Variants in ADGRD1 observed in about 807,000 individuals in gnomAD.
ADGRD1 encodes G-protein coupled receptor 133.
ADGRD1 carries 77 observed loss-of-function variants against 113.4 expected under a neutral mutation model. The ratio of observed to expected loss-of-function variants is 0.68; its 90% CI spans 0.57 to 0.82. The LOEUF (loss-of-function observed/expected upper bound fraction) is 0.82. Ranked by LOEUF, ADGRD1 falls within the 40% of genes least tolerant of loss-of-function variation. ADGRD1 has a pLI of 0.00. For missense variants in ADGRD1, 1,036 were observed against 1,139.1 expected, an observed-to-expected ratio of 0.91 and a Z score of 1.30; for synonymous variants, 474 against 475.0, an observed-to-expected ratio of 1.00 and a Z score of 0.03.
intron 23 of ADGRD1, chr12:131,137,552 G>C (rs1951121984): frequency 9.8e-6 from 2 of 203,514 alleles, no homozygotes; most frequent in East Asian, 2.5e-4. Flanking sequence ...GGCTGAGGTT[G>C]TGGGAGCTGC....
intron 8 of ADGRD1, among the ~76,000 whole-genome samples, chr12:130,992,678 G>C (rs938230744): frequency 6.6e-6 from 1 of 152,222 alleles, no homozygotes; most frequent in African/African-American, 2.4e-5. Context: ...CGGGCGTGTG[G>C]TTGGCAACTC....
At chr12:131,058,135 C>T (rs1220468032) in intron 13 of ADGRD1, among the ~76,000 whole-genome samples, 1 of 152,198 alleles carries the variant, frequency 6.6e-6, no homozygotes, top group Non-Finnish European at 1.5e-5. Flanking sequence ...GGATTCTGGC[C>T]TTGCCCTCCC....
At chr12:130,963,543 G>C (rs1388494115) in intron 2 of ADGRD1, among the ~76,000 whole-genome samples, 1 of 152,042 alleles carries the variant, frequency 6.6e-6, no homozygotes, top group African/African-American at 2.4e-5. Flanking sequence ...ATAGCTCATA[G>C]TGTACACATT....
chr12:131,014,161 C>A, intron 12 of ADGRD1, 38 bp from the exon 13 acceptor site: 3 of 1,601,244 alleles, frequency 1.9e-6, no homozygotes, highest in Non-Finnish European at 2.6e-6. Context: ...TGCTCCCCTG[C>A]GTTTCCCATT....
Position 130,981,903 on chromosome 12 carries a change from C to T in ADGRD1, c.330C>T (p.Phe110=), listed in dbSNP as rs148928637. ...CGPEGVTFSF[F]WKTQGEQSRP... is the part of the protein sequence containing the mutation. ...CCTCAGGGGTCACGTTTTCTTTTTT[C>T]TGGAAGACACAAGGAGAACAGTCTA... The change falls in exon 5 of 25, where the codon TTC becomes TTT. Residue 110 remains phenylalanine (F), a synonymous_variant. Coordinates refer to ENST00000261654, the MANE Select transcript of ADGRD1 (RefSeq NM_198827.5). 1 of 1,610,368 alleles carries T rather than the reference C, an allele frequency of 6.2e-7. No homozygotes were observed. The highest frequency in any genetic ancestry group is 8.5e-7 in the Non-Finnish European group (1 of 1,178,118).
Position 131,034,910 on chromosome 12 carries a change from C to T in ADGRD1, c.1473+20570C>T, listed in dbSNP as rs1881206979. 2.6e-5 allele frequency among the ~76,000 whole-genome samples: 4 copies of T among 152,198 alleles called. No homozygotes were observed. In the South Asian group the frequency reaches 6.2e-4, roughly 24 times the overall value. ...GCAGGACCTCCTCACTGGTGCCCCA[C>T]GCCTACAGCTGCTCCTCCGCCCCCT... On this transcript the variant is annotated intron_variant, in intron 13 of 24. Coordinates refer to ENST00000261654, the MANE Select transcript of ADGRD1 (RefSeq NM_198827.5).
chr12:131,089,104 A>C (rs1045814269), intron 15 of ADGRD1, among the ~76,000 whole-genome samples: 2 of 152,178 alleles, frequency 1.3e-5, no homozygotes, highest in Non-Finnish European at 2.9e-5. Flanking sequence ...CGGCTGCAGC[A>C]ACTGTTACCA....
intron 8 of ADGRD1, among the ~76,000 whole-genome samples, chr12:130,996,954 TG>T (rs1298331809): frequency 9.9e-6 from 1 of 100,780 alleles, no homozygotes; most frequent in East Asian, 3.5e-4. Context: ...GCTGGCCGGG[TG>T]GGGGGCTGAC....
intron 5 of ADGRD1, 78 bp from the exon 6 acceptor site, chr12:130,987,017 G>A: frequency 8.0e-7 from 1 of 1,249,726 alleles, no homozygotes; most frequent in African/African-American, 1.5e-5. Flanking sequence ...AGAAGGATGT[G>A]CCTACAAACA....
rs117956270 is a variant in ADGRD1 at position 131,117,732 on chromosome 12, T to A, written c.2042-653T>A. ...TCATGGAAAGATGGAGTGTGATAGG[T>A]TCCCTAAGGAAATTATGGGCTCAAA... On this transcript the variant is annotated intron_variant, in intron 18 of 24. Transcript: ENST00000261654. Among the ~76,000 whole-genome samples the A allele has an allele frequency of 9.0e-3, 1,376 of 152,190 alleles. 18 individuals carry two copies. The highest frequency in any genetic ancestry group is 0.026 in the South Asian group (125 of 4,816).
intron 4 of ADGRD1, among the ~76,000 whole-genome samples, chr12:130,980,237 T>C (rs1239130039): frequency 6.6e-6 from 1 of 151,712 alleles, no homozygotes; most frequent in African/African-American, 2.4e-5. Context: ...CCTGAGCAGC[T>C]GGGACGACAG....
chr12:131,031,897 C>A (rs961905404), intron 13 of ADGRD1, among the ~76,000 whole-genome samples: 1 of 152,240 alleles, frequency 6.6e-6, no homozygotes, highest in African/African-American at 2.4e-5. Context: ...TGCCTACCTG[C>A]CTTCCCTGTG....
intron 12 of ADGRD1, among the ~76,000 whole-genome samples, chr12:131,009,408 G>A (rs989158288): frequency 3.9e-5 from 6 of 152,234 alleles, no homozygotes; most frequent in Non-Finnish European, 7.3e-5. Flanking sequence ...GTTGAGAGAA[G>A]TGGAGTTCTG....
At chr12:131,031,492 G>C (rs889298382) in intron 13 of ADGRD1, among the ~76,000 whole-genome samples, 3 of 152,068 alleles carry the variant, frequency 2.0e-5, no homozygotes, top group African/African-American at 7.2e-5. Context: ...CTGTCGACGA[G>C]TCACCCATTG....
At chr12:131,009,875 A>T (rs1186600434) in intron 12 of ADGRD1, among the ~76,000 whole-genome samples, 1 of 152,222 alleles carries the variant, frequency 6.6e-6, no homozygotes, top group Non-Finnish European at 1.5e-5. Context: ...ATGGCAAATG[A>T]TAAGAGCTGA....
At chr12:131,106,383 G>C (rs1950236030) in intron 17 of ADGRD1, among the ~76,000 whole-genome samples, 1 of 152,220 alleles carries the variant, frequency 6.6e-6, no homozygotes, top group African/African-American at 2.4e-5. Context: ...TGCATGGAGT[G>C]GGGGGTTCTC....
At chr12:131,042,563 G>A (rs1477902365) in intron 13 of ADGRD1, among the ~76,000 whole-genome samples, 2 of 152,120 alleles carry the variant, frequency 1.3e-5, no homozygotes, top group Non-Finnish European at 2.9e-5. Flanking sequence ...TTGAGGACTC[G>A]TCACTCTCCC....
Position 131,014,195 on chromosome 12 carries a change from C to T in ADGRD1, c.1332-4C>T, listed in dbSNP as rs976330711. 3.1e-6 allele frequency: 5 copies of T among 1,613,176 alleles called. No individual in the cohort carries two copies. The African/African-American group carries it at 5.3e-5, about 17-fold the overall frequency. On this transcript the variant is annotated splice_polypyrimidine_tract_variant and splice_region_variant and intron_variant, in intron 12 of 24. Transcript: ENST00000261654. ...TTTTGTAATGATTTCCGTCTCTTCC[C>T]AAGGATCGCGGAGGCCATGCATCAC...
Position 131,060,850 on chromosome 12 carries a change from T to C in ADGRD1, c.1474-15951T>C, listed in dbSNP as rs892472770. 1.3e-5 allele frequency among the ~76,000 whole-genome samples: 2 copies of C among 152,042 alleles called. No individual in the cohort carries two copies. The highest frequency in any genetic ancestry group is 6.5e-5 in the Admixed American group (1 of 15,280). ...GGCAACCCTTCTTCTCCTTGACCCT[T>C]GGGCCAAGCTCATGGGCTGTGGTAA... On this transcript the variant is annotated intron_variant, in intron 13 of 24. Transcript: ENST00000261654. This position sits in a 1 kb window ranked among gnomAD's most constrained non-coding sequence, Gnocchi z 4.4.
Sources: allele counts gnomAD v4.1 joint callset (sites outside exome capture counted in the v4.1 genomes callset), GRCh38; gene constraint gnomAD v4.1.1; non-coding constraint Gnocchi (gnomAD v3.1); transcripts MANE v1.5; gene names NCBI Gene and HGNC (gene_info 2026-07-23, HGNC 2026-07-21).